The following GPR143 variants were observed in gnomAD, a reference collection of about 807,000 sequenced individuals.
GPR143 encodes the protein G protein-coupled receptor 143.
A neutral mutation model predicts 27.6 loss-of-function variants in GPR143; 8 were observed. That is an observed-to-expected ratio of 0.29 (90% CI 0.17 to 0.52). The LOEUF is 0.52. Ranked by LOEUF, GPR143 falls within the 20% of genes least tolerant of loss-of-function variation. The probability of loss-of-function intolerance (pLI) is 0.96; values close to 1 mark genes in which losing one functional copy is unlikely to be tolerated. For synonymous variants in GPR143, 156 were observed against 153.2 expected (o/e 1.02, Z -0.13); for missense variants, 303 against 343.1 (o/e 0.88, Z 0.92).
At chrX:9,761,026 ATTTGTGT>A (rs2083497125) in intron 1 of GPR143, among the ~76,000 whole-genome samples, 200 bp from the exon 2 acceptor site, 1 of 111,378 alleles carries the variant, frequency 9.0e-6, no homozygotes, top group Non-Finnish European at 1.9e-5. Flanking sequence ...AAACATACAT[ATTTGTGT>A]GTGCAGAGAG....
intron 8 of GPR143, among the ~76,000 whole-genome samples, chrX:9,735,396 A>G (rs1161229547): frequency 9.0e-6 from 1 of 110,731 alleles, no homozygotes; most frequent in Non-Finnish European, 1.9e-5. Flanking sequence ...GCTAACTCTC[A>G]ACACCGCGTC....
chrX:9,757,169 G>A (rs1358324524), intron 3 of GPR143, among the ~76,000 whole-genome samples: 1 of 112,369 alleles, frequency 8.9e-6, no homozygotes, highest in Non-Finnish European at 1.9e-5. Context: ...GAGGCTGGGA[G>A]TCCAAGATCA....
chrX:9,745,744 T>G (rs1299864550), intron 5 of GPR143, among the ~76,000 whole-genome samples: 1 of 111,707 alleles, frequency 9.0e-6, no homozygotes, highest in African/African-American at 3.3e-5. Context: ...ACCTCCACAG[T>G]CGTCCAAGGG....
At chrX:9,760,052 ATTTAC>A (rs986586630) in intron 2 of GPR143, among the ~76,000 whole-genome samples, 2 of 111,354 alleles carry the variant, frequency 1.8e-5, no homozygotes, top group Non-Finnish European at 3.8e-5. Context: ...TATGATATCT[ATTTAC>A]TTTTTCAATA....
chrX:9,740,319 G>A (rs1601875359), intron 7 of GPR143, among the ~76,000 whole-genome samples: 1 of 112,753 alleles, frequency 8.9e-6, no homozygotes, highest in African/African-American at 3.2e-5. Flanking sequence ...ACCACGTGCA[G>A]GGATGGAAGG....
intron 3 of GPR143, among the ~76,000 whole-genome samples, chrX:9,753,410 GAAA>G (rs5901416): frequency 9.6e-5 from 7 of 72,923 alleles, no homozygotes; most frequent in African/African-American, 1.5e-4. Context: ...AACAGAATCT[GAAA>G]AAAAAAAAAA....
rs1041222810 is a variant in GPR143, at chrX:9,725,698, A to T, written c.*48T>A. The stretch of plus-strand genomic sequence containing the variant: ...GAGAACACAGTTCTAAAGAACAAGA[A>T]TTGTTGAGTCTGAGGAATATGGGGT... On this transcript the variant is annotated 3_prime_UTR_variant, in exon 9 of 9. Coordinates refer to ENST00000467482, the MANE Select transcript of GPR143 (RefSeq NM_000273.3). The T allele has an allele frequency of 1.0e-6, 1 of 954,085 alleles. No homozygotes were observed. The highest frequency in any genetic ancestry group is 1.9e-5 in the African/African-American group (1 of 52,144). 78.6% of individuals were successfully genotyped at this position (954,085 alleles called of 1,213,427 possible).
chrX:9,772,743 G>A (rs2083558458), intron 1 of GPR143, among the ~76,000 whole-genome samples: 1 of 105,811 alleles, frequency 9.5e-6, no homozygotes, highest in South Asian at 4.4e-4. Context: ...GAGCCTCCAG[G>A]GTTGAGGCTG....
chrX:9,766,892 A>ATCTC (rs778384446), upstream of GPR143, among the ~76,000 whole-genome samples: 31 of 77,274 alleles, frequency 4.0e-4, no homozygotes, highest in Admixed American at 1.1e-3. Context: ...GTGAGACCCT[A>ATCTC]TCTCTCTCTC....
intron 3 of GPR143, among the ~76,000 whole-genome samples, chrX:9,751,457 C>T (rs185198424): frequency 0.011 from 1,256 of 112,611 alleles, 18 homozygotes; most frequent in African/African-American, 0.039. Context: ...GGAAACACTT[C>T]CCACACCCTT....
upstream of GPR143, chrX:9,766,040 GAGAGGGAGGGCTGAGAGGAGAGGA>G (rs2083531997): frequency 3.5e-6 from 1 of 283,512 alleles, no homozygotes. Context: ...GGAGGACAGA[GAGAGGGAGGGCTGAGAGGAGAGGA>G]AGAGGGAGGA....
At chrX:9,731,809 G>A (rs1193812250) in intron 8 of GPR143, among the ~76,000 whole-genome samples, 1 of 96,022 alleles carries the variant, frequency 1.0e-5, no homozygotes, top group Non-Finnish European at 2.2e-5. Flanking sequence ...GGGGGGGGGG[G>A]AAGGAATTGT....
intron 8 of GPR143, among the ~76,000 whole-genome samples, chrX:9,737,863 G>A (rs899133361): frequency 1.8e-5 from 2 of 111,169 alleles, no homozygotes; most frequent in African/African-American, 6.5e-5. Flanking sequence ...AACTAGGCAT[G>A]GTGGTGTGCA....
At chrX:9,777,126 A>T (rs1359782368) in intron 1 of GPR143, among the ~76,000 whole-genome samples, 1 of 112,633 alleles carries the variant, frequency 8.9e-6, no homozygotes, top group Admixed American at 9.4e-5. Context: ...GACATAATTT[A>T]CCAACCACCA....
At chrX:9,753,840 A>G (rs1156434277) in intron 3 of GPR143, among the ~76,000 whole-genome samples, 1 of 111,485 alleles carries the variant, frequency 9.0e-6, no homozygotes, top group Non-Finnish European at 1.9e-5. Flanking sequence ...CAGCTACTAC[A>G]TGCTTCCCGA....
chrX:9,766,899 TCTCTCACACACA>T (rs1179513868), upstream of GPR143, among the ~76,000 whole-genome samples: 7 of 67,144 alleles, frequency 1.0e-4, no homozygotes, highest in East Asian at 2.6e-3. Flanking sequence ...CCTATCTCTC[TCTCTCACACACA>T]CACACACACA....
At chrX:9,751,949 T>C (rs1471624383) in intron 3 of GPR143, among the ~76,000 whole-genome samples, 1 of 112,626 alleles carries the variant, frequency 8.9e-6, no homozygotes, top group African/African-American at 3.2e-5. Flanking sequence ...AGAATCAGTG[T>C]AATGTTCCAG....
At chrX:9,762,316 G>T (rs1172522195) in intron 1 of GPR143, among the ~76,000 whole-genome samples, 3 of 109,723 alleles carry the variant, frequency 2.7e-5, no homozygotes, top group African/African-American at 1.0e-4. Flanking sequence ...CTTGAACCTG[G>T]GAGGTGGAGG....
At chrX:9,751,238 C>T (rs766915304) in intron 3 of GPR143, among the ~76,000 whole-genome samples, 1 of 112,380 alleles carries the variant, frequency 8.9e-6, no homozygotes, top group South Asian at 3.7e-4. Flanking sequence ...GCAGGCTGGC[C>T]GTCCCCGCCC....
Sources: allele counts gnomAD v4.1 joint callset (sites outside exome capture counted in the v4.1 genomes callset), GRCh38; gene constraint gnomAD v4.1.1; transcripts MANE v1.5; gene names NCBI Gene and HGNC (gene_info 2026-07-23, HGNC 2026-07-21).